The following PTPRN2 variants were observed in gnomAD, a reference collection of about 807,000 sequenced individuals.
PTPRN2 encodes the protein protein tyrosine phosphatase receptor type N2.
PTPRN2 carries 74 observed loss-of-function variants against 118.8 expected under a neutral mutation model. That is an observed-to-expected ratio of 0.62 (90% CI 0.52 to 0.76). PTPRN2 has a LOEUF of 0.76. Ranked by LOEUF, PTPRN2 falls within the 30% of genes least tolerant of loss-of-function variation. The probability of loss-of-function intolerance (pLI) is 0.00; values close to 1 mark genes in which losing one functional copy is unlikely to be tolerated. For missense variants in PTPRN2, 1,481 were observed against 1,394.4 expected, an observed-to-expected ratio of 1.06 and a Z score of -0.99; for synonymous variants, 641 against 608.0, an observed-to-expected ratio of 1.05 and a Z score of -0.80.
At chr7:157,706,584 A>G (rs1798341827) in intron 12 of PTPRN2, among the ~76,000 whole-genome samples, 1 of 151,158 alleles carries the variant, frequency 6.6e-6, no homozygotes, top group Non-Finnish European at 1.5e-5. Context: ...TCCTTCCAGA[A>G]TGCTGGGAAC....
intron 2 of PTPRN2, among the ~76,000 whole-genome samples, chr7:158,489,058 G>C (rs1425118888): frequency 6.6e-6 from 1 of 152,244 alleles, no homozygotes; most frequent in Non-Finnish European, 1.5e-5. Flanking sequence ...CATAATAACT[G>C]CCGTCCTCAT....
intron 21 of PTPRN2, among the ~76,000 whole-genome samples, chr7:157,558,007 A>G (rs1269967829): frequency 4.0e-5 from 6 of 148,980 alleles, no homozygotes; most frequent in Non-Finnish European, 5.9e-5. Flanking sequence ...ATCCCATAAT[A>G]CTGTTGAGGT....
intron 3 of PTPRN2, among the ~76,000 whole-genome samples, chr7:158,292,232 G>A (rs565739037): frequency 9.7e-4 from 147 of 152,244 alleles, no homozygotes; most frequent in African/African-American, 3.3e-3. Flanking sequence ...TGAGGGTGAC[G>A]GTTCTTCCTT....
At chr7:157,699,874 G>A (rs1797983589) in intron 12 of PTPRN2, among the ~76,000 whole-genome samples, 1 of 152,246 alleles carries the variant, frequency 6.6e-6, no homozygotes, top group Non-Finnish European at 1.5e-5. Context: ...TCCTCGGTCA[G>A]TGCGGTGGGA....
At position 157,615,166 on chromosome 7, in the gene PTPRN2, G is replaced by A. The variant is rs1317375998; in HGVS notation, c.2344+6196C>T. 6.6e-6 allele frequency among the ~76,000 whole-genome samples: 1 copy of A among 152,268 alleles called. No homozygotes were observed. The highest frequency in any genetic ancestry group is 1.5e-5 in the Non-Finnish European group (1 of 68,050). On this transcript the variant is annotated intron_variant, in intron 15 of 22. Transcript: ENST00000389418. The surrounding 1 kb of genome is among the most constrained non-coding windows in gnomAD (Gnocchi z 4.3). ...AACACTGGGCGGCTGGCCAGCGTGG[G>A]TGGTGGGTGTGCAGGCGATGCCACG...
chr7:158,149,471 C>T (rs1820694589), intron 6 of PTPRN2, among the ~76,000 whole-genome samples: 1 of 151,374 alleles, frequency 6.6e-6, no homozygotes, highest in Non-Finnish European at 1.5e-5. Flanking sequence ...TATTTTTAAT[C>T]TCTAACAAAG....
chr7:158,565,614 C>A lies in PTPRN2; in HGVS notation c.112+21944G>T, dbSNP rs1408724668. Among the ~76,000 whole-genome samples, 1 of 152,222 alleles carries A rather than the reference C, an allele frequency of 6.6e-6. No individual in the cohort carries two copies. Among genetic ancestry groups the A allele is most frequent in the Non-Finnish European group, 1.5e-5 (1 of 68,044 alleles). On this transcript the variant is annotated intron_variant, in intron 1 of 22. Coordinates refer to ENST00000389418, the MANE Select transcript of PTPRN2 (RefSeq NM_002847.5). This position sits in a 1 kb window ranked among gnomAD's most constrained non-coding sequence, Gnocchi z 4.6. ...AACTGTCAAAGCACGGGAAAATCCC[C>A]AGGAAGAAAGTAAGCAAAGGCACGG...
intron 3 of PTPRN2, among the ~76,000 whole-genome samples, chr7:158,212,746 G>A (rs918477401): frequency 4.6e-5 from 7 of 151,982 alleles, no homozygotes; most frequent in African/African-American, 1.5e-4. Context: ...CTACCTGCCC[G>A]CCACCATATC....
chr7:158,239,951 T>C (rs1795816250), intron 3 of PTPRN2, among the ~76,000 whole-genome samples: 2 of 152,118 alleles, frequency 1.3e-5, no homozygotes, highest in East Asian at 1.9e-4. Flanking sequence ...ATACACAGAC[T>C]AAGAGTGGGA....
intron 3 of PTPRN2, among the ~76,000 whole-genome samples, chr7:158,303,168 C>CAAAAAAAAAAAAAAAAA (rs542953447): frequency 8.3e-6 from 1 of 119,858 alleles, no homozygotes; most frequent in African/African-American, 3.0e-5. Flanking sequence ...ACTAACCCAC[C>CAAAAAAAAAAAAAAAAA]AAAAAAAAAA....
At chr7:157,657,279 AC>A (rs1795567880) in intron 13 of PTPRN2, among the ~76,000 whole-genome samples, 1 of 108,224 alleles carries the variant, frequency 9.2e-6, no homozygotes, top group Non-Finnish European at 1.9e-5. Flanking sequence ...CACCACACAC[AC>A]ACCACACACA....
chr7:158,514,033 C>G (rs900663465), intron 1 of PTPRN2, among the ~76,000 whole-genome samples: 1 of 152,216 alleles, frequency 6.6e-6, no homozygotes, highest in African/African-American at 2.4e-5. Context: ...TCTGTCTTAG[C>G]TCTAAAGCAC....
chr7:158,169,417 AGTGTGTGT>A (rs375257745), intron 5 of PTPRN2, among the ~76,000 whole-genome samples: 1,482 of 136,616 alleles, frequency 0.011, 15 homozygotes, highest in East Asian at 0.038. Flanking sequence ...TGCTTTTGTG[AGTGTGTGT>A]GTGTGTGTGT....
intron 3 of PTPRN2, among the ~76,000 whole-genome samples, chr7:158,238,513 T>C (rs996663041): frequency 1.3e-5 from 2 of 152,134 alleles, no homozygotes; most frequent in African/African-American, 4.8e-5. Flanking sequence ...ACATTCACGG[T>C]TTCTGTATCA....
chr7:157,988,283 T>G (rs533731296), intron 11 of PTPRN2, among the ~76,000 whole-genome samples: 1 of 151,582 alleles, frequency 6.6e-6, no homozygotes, highest in African/African-American at 2.4e-5. Flanking sequence ...ACACGGAGAA[T>G]TATCAGTGCA....
intron 3 of PTPRN2, among the ~76,000 whole-genome samples, chr7:158,236,721 C>T (rs1248035806): frequency 1.3e-5 from 2 of 152,228 alleles, no homozygotes; most frequent in East Asian, 1.9e-4. Flanking sequence ...CACCCAGTTA[C>T]CTGGTGGAAC....
chr7:158,145,454 C>T (rs552588129), intron 6 of PTPRN2, among the ~76,000 whole-genome samples: 28 of 152,310 alleles, frequency 1.8e-4, no homozygotes, highest in Middle Eastern at 6.8e-3. Flanking sequence ...CTACTTGTAT[C>T]GACAGAGAGC....
chr7:158,554,452 T>C (rs956430309), intron 1 of PTPRN2, among the ~76,000 whole-genome samples: 2 of 152,200 alleles, frequency 1.3e-5, no homozygotes, highest in Non-Finnish European at 2.9e-5. Context: ...TTTTGATCAG[T>C]ATCTGTCTAT....
In PTPRN2 at chr7:158,191,581, C is replaced by T. The variant is rs537925025; in HGVS notation, c.549+746G>A. On this transcript the variant is annotated intron_variant, in intron 5 of 22. Transcript: ENST00000389418. ...TGTGAACTCTGGCCTAACAAGTCGTCATAAAAATCATGCCTGCTTTTCCAT... is the reference window on the plus strand; with the variant it reads ...TGTGAACTCTGGCCTAACAAGTCGTTATAAAAATCATGCCTGCTTTTCCAT... Among the ~76,000 whole-genome samples the T allele has an allele frequency of 4.4e-4, 67 of 152,296 alleles. 1 individual carries two copies. In the South Asian group the frequency reaches 0.013, roughly 29 times the overall value.
Sources: gnomAD v4.1 joint callset for allele counts (sites outside exome capture counted in the v4.1 genomes callset) on GRCh38, gnomAD v4.1.1 for gene constraint, Gnocchi (gnomAD v3.1) non-coding constraint, MANE v1.5 for transcripts, NCBI Gene and HGNC (gene_info 2026-07-23, HGNC 2026-07-21) for gene names.